EIF4E1B: variants seen among roughly 807,000 people sequenced by gnomAD.
EIF4E1B encodes the protein eukaryotic translation initiation factor 4E family member 1B, also known as eukaryotic translation initiation factor 4E type 1B.
EIF4E1B carries 22 observed loss-of-function variants against 31.3 expected under a neutral mutation model. That is an observed-to-expected ratio of 0.70 (90% CI 0.50 to 1.00). The LOEUF (loss-of-function observed/expected upper bound fraction) is 1.00. Ranked by LOEUF, EIF4E1B falls within the 50% of genes least tolerant of loss-of-function variation. The probability of loss-of-function intolerance (pLI) is 0.00; values close to 1 mark genes in which losing one functional copy is unlikely to be tolerated. For synonymous variants in EIF4E1B, 126 were observed against 120.2 expected (o/e 1.05, Z -0.31); for missense variants, 290 against 311.6 (o/e 0.93, Z 0.52).
chr5:176,637,511 C>T (rs1009732520), intron 1 of EIF4E1B, among the ~76,000 whole-genome samples: 9 of 152,166 alleles, frequency 5.9e-5, no homozygotes, highest in South Asian at 4.1e-4. Flanking sequence ...ATGTATGGTG[C>T]GTCAGGAGGT....
At position 176,642,761 on chromosome 5, in the gene EIF4E1B, G is replaced by A. The variant is rs1209815769; in HGVS notation, c.-27G>A. On this transcript the variant is annotated 5_prime_UTR_variant, in exon 3 of 9. Transcript: ENST00000318682. Reference sequence around the variant, plus strand: ...GGTCACAGCTGCTTCCCCAGCCCCAGGCCTGCACGAAGAAGGCACTCACTA... The same window carrying A: ...GGTCACAGCTGCTTCCCCAGCCCCAAGCCTGCACGAAGAAGGCACTCACTA... 1.9e-6 allele frequency: 3 copies of A among 1,558,992 alleles called. No homozygotes were observed. Among genetic ancestry groups the A allele is most frequent in the East Asian group, 4.8e-5 (2 of 41,250 alleles).
intron 1 of EIF4E1B, among the ~76,000 whole-genome samples, chr5:176,635,509 A>C (rs1205076586): frequency 6.6e-6 from 1 of 152,208 alleles, no homozygotes; most frequent in East Asian, 1.9e-4. Context: ...GAGGTAACAG[A>C]AAATAGGTTA....
rs1248136095 is a variant in EIF4E1B, at chr5:176,645,210, C to T, written c.441C>T (p.Arg147=). 9 of 1,591,236 alleles carry T rather than the reference C, an allele frequency of 5.7e-6. No homozygotes were observed. Among genetic ancestry groups the T allele is most frequent in the African/African-American group, 1.3e-5 (1 of 74,546 alleles). Residue 147 remains arginine, a synonymous_variant, in exon 7 of 9, where the codon CGC becomes CGT. Coordinates refer to ENST00000318682, the MANE Select transcript of EIF4E1B (RefSeq NM_001099408.2). The surrounding 1 kb of genome is among the most constrained non-coding windows in gnomAD (Gnocchi z 5.4). ...RWLVSLAKQQ[R]HIELDRLWLE... is the part of the protein sequence containing the mutation. ...TGGTCAGCCTGGCCAAGCAGCAGCG[C>T]CACATTGAGCTGGACCGGCTGTGGC...
At chr5:176,640,167 C>A (rs571684173) in intron 1 of EIF4E1B, among the ~76,000 whole-genome samples, 1 of 152,316 alleles carries the variant, frequency 6.6e-6, no homozygotes, top group East Asian at 1.9e-4. Flanking sequence ...GCTCTGGGAA[C>A]CCAGCCACCA....
chr5:176,645,511 C>T lies in EIF4E1B; in HGVS notation c.609C>T (p.His203=), dbSNP rs977195538. The T allele has an allele frequency of 4.0e-6, 6 of 1,513,138 alleles. No individual in the cohort carries two copies. The East Asian group carries it at 6.9e-5, about 17-fold the overall frequency. 93.7% of individuals were successfully genotyped at this position (1,513,138 alleles called of 1,614,324 possible). A position where few individuals can be genotyped will look rare whatever the true frequency, so the allele number is the denominator to read the frequency against. ...CGGAAAACCAGGCGGGCGTGCTGCA[C>T]GTTGGGTGAGGAGGGTCTCTGGCAC... ...REAENQAGVL[H]VGRVYKERLG... is the part of the protein sequence containing the mutation. The change falls in exon 8 of 9, where the codon CAC becomes CAT. Residue 203 remains histidine, a synonymous_variant. Transcript: ENST00000318682. The surrounding 1 kb of genome is among the most constrained non-coding windows in gnomAD (Gnocchi z 5.4).
In EIF4E1B at chr5:176,643,745, G is replaced by A. The variant is rs766435727; in HGVS notation, c.296+11G>A. 2.5e-6 allele frequency: 4 copies of A among 1,608,390 alleles called. No homozygotes were observed. Among genetic ancestry groups the A allele is most frequent in the African/African-American group, 2.7e-5 (2 of 74,982 alleles). ...GGAGGACTTCTGGGCGTGAGTGTCT[G>A]TCCCCAGTGGGGCTAGAGTTGGGGG... On this transcript the variant is annotated intron_variant, in intron 5 of 8. Transcript: ENST00000318682.
At chr5:176,644,312 A>G in intron 5 of EIF4E1B, 64 bp from the exon 6 acceptor site, 2 of 1,518,418 alleles carry the variant, frequency 1.3e-6, no homozygotes, top group Non-Finnish European at 1.8e-6. Flanking sequence ...GGAGGGCTGA[A>G]CCCAGTTGGA....
chr5:176,635,110 A>G (rs1292206675), intron 1 of EIF4E1B, among the ~76,000 whole-genome samples: 1 of 152,094 alleles, frequency 6.6e-6, no homozygotes, highest in East Asian at 1.9e-4. Context: ...AGTGAAAAGA[A>G]GAGAGTGCCC....
At position 176,645,640 on chromosome 5, in the gene EIF4E1B, G is replaced by A; in HGVS notation, c.614+124G>A. The A allele has an allele frequency of 7.4e-7, 1 of 1,358,038 alleles. No homozygotes were observed. The highest frequency in any genetic ancestry group is 9.7e-7 in the Non-Finnish European group (1 of 1,026,400). 84.1% of individuals were successfully genotyped at this position (1,358,038 alleles called of 1,614,324 possible). A position where few individuals can be genotyped will look rare whatever the true frequency, so the allele number is the denominator to read the frequency against. Reference sequence around the variant, plus strand: ...CCATAGCCTCCCTCCCTTCTGCCTTGCCCACCTGTATGGAAGGTCTGGCGT... The same window carrying A: ...CCATAGCCTCCCTCCCTTCTGCCTTACCCACCTGTATGGAAGGTCTGGCGT... On this transcript the variant is annotated intron_variant, in intron 8 of 8. Transcript: ENST00000318682. The surrounding 1 kb of genome is among the most constrained non-coding windows in gnomAD (Gnocchi z 5.4).
Position 176,643,248 on chromosome 5 carries a change from T to C in EIF4E1B, c.182T>C (p.Leu61Pro), listed in dbSNP as rs1387508185. 1.2e-6 allele frequency: 2 copies of C among 1,612,294 alleles called. No homozygotes were observed. Among genetic ancestry groups the C allele is most frequent in the South Asian group, 1.1e-5 (1 of 91,016 alleles). The change falls in exon 4 of 9, where the codon CTG (leucine) becomes CCG (proline). Residue 61 changes from leucine to proline, a missense_variant. Coordinates refer to ENST00000318682, the MANE Select transcript of EIF4E1B (RefSeq NM_001099408.2). ...GGCCCCATGGAAGTCAAGCTGGAGC[T>C]GCACCCCTTGCAGAACAGGTAGGCA... ...TGGPMEVKLELHPLQNRWALW... is the reference protein window; with the variant it reads ...TGGPMEVKLEPHPLQNRWALW...
At chr5:176,631,395 T>C (rs965277446) in intron 1 of EIF4E1B, among the ~76,000 whole-genome samples, 2 of 151,876 alleles carry the variant, frequency 1.3e-5, no homozygotes, top group Non-Finnish European at 2.9e-5. Flanking sequence ...GGTTCTATGA[T>C]AGAATTATGC....
chr5:176,642,560 G>T, intron 2 of EIF4E1B, 150 bp from the exon 3 acceptor site: 1 of 581,856 alleles, frequency 1.7e-6, no homozygotes, highest in South Asian at 2.6e-5. Context: ...GTGAGGTTGG[G>T]GATGGTGCCA....
chr5:176,642,960 G>C (rs1036896933), intron 3 of EIF4E1B, 122 bp from the exon 4 acceptor site: 1 of 1,493,916 alleles, frequency 6.7e-7, no homozygotes, highest in Non-Finnish European at 9.0e-7. Flanking sequence ...AGCTGGGCAT[G>C]GCTACTGAAG....
In EIF4E1B at chr5:176,643,841, G is replaced by A. The variant is rs117853394; in HGVS notation, c.296+107G>A. On this transcript the variant is annotated intron_variant, in intron 5 of 8. Transcript: ENST00000318682. ...CTAGGGCCTTTCAGCCTTTGTGAGG[G>A]CTGGGGCTTTGTGGGTTCTGCCCAG... The A allele has an allele frequency of 5.6e-4, 686 of 1,222,752 alleles. 10 individuals are homozygous for A. In the East Asian group the frequency reaches 0.016, roughly 29 times the overall value. The allele number at this position is 1,222,752 out of a possible 1,614,324, so 75.7% of individuals were successfully genotyped here. A position where few individuals can be genotyped will look rare whatever the true frequency, so the allele number is the denominator to read the frequency against.
intron 1 of EIF4E1B, among the ~76,000 whole-genome samples, chr5:176,641,457 C>A (rs758883031): frequency 6.6e-6 from 1 of 152,212 alleles, no homozygotes; most frequent in African/African-American, 2.4e-5. Flanking sequence ...TTCTGATACA[C>A]GCACCTAAGA....
At chr5:176,635,551 T>G (rs918774005) in intron 1 of EIF4E1B, among the ~76,000 whole-genome samples, 4 of 152,242 alleles carry the variant, frequency 2.6e-5, no homozygotes, top group Admixed American at 2.6e-4. Flanking sequence ...TTCGTTTGGC[T>G]GCTAGCACAG....
chr5:176,633,137 C>T (rs745816282), intron 1 of EIF4E1B, among the ~76,000 whole-genome samples: 9 of 152,174 alleles, frequency 5.9e-5, no homozygotes, highest in Non-Finnish European at 1.2e-4. Context: ...GGATTTGGGG[C>T]ATCATTTCAG....
chr5:176,642,856 C>CCCCCCCCA, intron 3 of EIF4E1B, 54 bp downstream of exon 3: 2 of 1,270,908 alleles, frequency 1.6e-6, no homozygotes, highest in Non-Finnish European at 2.0e-6. Context: ...CCCTCTCCCC[C>CCCCCCCCA]CCCCCCCCCG....
At chr5:176,644,315 C>T in intron 5 of EIF4E1B, 61 bp from the exon 6 acceptor site, 2 of 1,526,952 alleles carry the variant, frequency 1.3e-6, no homozygotes, top group Non-Finnish European at 1.8e-6. Flanking sequence ...GGGCTGAACC[C>T]AGTTGGAACC....
Sources: gnomAD v4.1 joint callset for allele counts (sites outside exome capture counted in the v4.1 genomes callset) on GRCh38, gnomAD v4.1.1 for gene constraint, Gnocchi (gnomAD v3.1) non-coding constraint, MANE v1.5 for transcripts, NCBI Gene and HGNC (gene_info 2026-07-23, HGNC 2026-07-21) for gene names.